The following PLEKHA6 variants were observed in gnomAD, a reference collection of about 807,000 sequenced individuals.
PLEKHA6 encodes the protein pleckstrin homology domain-containing family A member 6.
A neutral mutation model predicts 116.7 loss-of-function variants in PLEKHA6; 60 were observed. That is an observed-to-expected ratio of 0.51 (90% CI 0.42 to 0.64). The LOEUF (loss-of-function observed/expected upper bound fraction) is 0.64, where lower values mean the gene tolerates loss of function less well. Among genes scored for constraint, PLEKHA6 ranks in the 30% least tolerant of loss-of-function variants. PLEKHA6 has a pLI of 0.00. For synonymous variants in PLEKHA6, 489 were observed against 556.1 expected, an observed-to-expected ratio of 0.88 and a Z score of 1.70; for missense variants, 1,338 against 1,422.7, an observed-to-expected ratio of 0.94 and a Z score of 0.96.
intron 1 of PLEKHA6, chr1:204,297,268 T>A: frequency 1.1e-6 from 1 of 901,496 alleles, no homozygotes; most frequent in Non-Finnish European, 1.3e-6. Flanking sequence ...ATGGAGTGTC[T>A]AAATGTAAAT....
chr1:204,251,684 C>A, intron 9 of PLEKHA6: 1 of 670,446 alleles, frequency 1.5e-6, no homozygotes, highest in Non-Finnish European at 2.7e-6. Flanking sequence ...CCCACCTGTG[C>A]TTGTTTCCCA....
intron 1 of PLEKHA6, among the ~76,000 whole-genome samples, chr1:204,314,334 C>T (rs760811627): frequency 6.6e-6 from 1 of 152,202 alleles, no homozygotes; most frequent in Non-Finnish European, 1.5e-5. Context: ...GTTCCACTTC[C>T]CCTGTGAGCC....
intron 1 of PLEKHA6, among the ~76,000 whole-genome samples, chr1:204,285,979 GGAGAAGCT>G (rs1669130632): frequency 6.6e-6 from 1 of 152,176 alleles, no homozygotes; most frequent in Non-Finnish European, 1.5e-5. Flanking sequence ...GTCCAGAGCA[GGAGAAGCT>G]GGCATGGAGG....
In PLEKHA6 at chr1:204,231,274, A is replaced by G. The variant is rs56710346; in HGVS notation, c.2410-688T>C. On this transcript the variant is annotated intron_variant, in intron 17 of 22. Transcript: ENST00000272203. Reference sequence around the variant, plus strand: ...GATGACTGGCAGAAATATGAGCTTTAAAGATGATCTGATGAGGGCTCAGAG... The same window carrying G: ...GATGACTGGCAGAAATATGAGCTTTGAAGATGATCTGATGAGGGCTCAGAG... Among the ~76,000 whole-genome samples the G allele has an allele frequency of 3.1e-3, 475 of 152,312 alleles. 1 individual carries two copies. The highest frequency in any genetic ancestry group is 0.011 in the African/African-American group (460 of 41,556).
chr1:204,250,722 G>A (rs4951331), intron 9 of PLEKHA6, 108 bp from the exon 10 acceptor site: 531,028 of 796,056 alleles, frequency 0.67, 178,543 homozygotes, highest in East Asian at 0.83. Context: ...ACCATGGTCC[G>A]TCACCTCTGG....
chr1:204,340,948 T>C (rs1323286561), intron 1 of PLEKHA6, among the ~76,000 whole-genome samples: 1 of 152,200 alleles, frequency 6.6e-6, no homozygotes, highest in East Asian at 1.9e-4. Flanking sequence ...CCAGAGAAGA[T>C]GGGCAGGAGA....
intron 1 of PLEKHA6, among the ~76,000 whole-genome samples, chr1:204,305,327 T>G (rs920802107): frequency 2.6e-5 from 4 of 152,184 alleles, no homozygotes; most frequent in Non-Finnish European, 5.9e-5. Flanking sequence ...GGGAGGTGCA[T>G]GCAGTACTGC....
intron 1 of PLEKHA6, chr1:204,313,603 G>A (rs984472986): frequency 1.9e-4 from 188 of 984,840 alleles, no homozygotes; most frequent in Non-Finnish European, 1.9e-4. Flanking sequence ...TCTCTTGTTG[G>A]CAGTCTATAT....
At chr1:204,360,941 C>T (rs1047967523), upstream of PLEKHA6, among the ~76,000 whole-genome samples, 2 of 152,172 alleles carry the variant, frequency 1.3e-5, no homozygotes, top group African/African-American at 4.8e-5. Flanking sequence ...CCTCTATCCA[C>T]GGATTCTCTG....
chr1:204,229,741 T>C (rs1330002626), intron 18 of PLEKHA6, among the ~76,000 whole-genome samples: 3 of 152,200 alleles, frequency 2.0e-5, no homozygotes, highest in Non-Finnish European at 2.9e-5. Flanking sequence ...TTTCATATTA[T>C]AGAAGTTCTA....
At chr1:204,288,106 G>A (rs764727273) in intron 1 of PLEKHA6, among the ~76,000 whole-genome samples, 2 of 151,988 alleles carry the variant, frequency 1.3e-5, no homozygotes, top group African/African-American at 4.8e-5. Context: ...CTTACTCACC[G>A]GCTCTTCTTT....
At chr1:204,268,347 A>T in intron 3 of PLEKHA6, 35 bp from the exon 4 acceptor site, 8 of 1,471,956 alleles carry the variant, frequency 5.4e-6, no homozygotes, top group Non-Finnish European at 7.5e-6. Flanking sequence ...CTAGGTCCCC[A>T]GTCTCCTCCT....
intron 1 of PLEKHA6, among the ~76,000 whole-genome samples, chr1:204,279,618 G>A (rs1031930385): frequency 2.6e-5 from 4 of 152,132 alleles, no homozygotes; most frequent in Admixed American, 6.5e-5. Flanking sequence ...AATCTCAAGT[G>A]GTAAAGGAGA....
At chr1:204,294,942 A>G (rs1670127208) in intron 1 of PLEKHA6, among the ~76,000 whole-genome samples, 1 of 152,256 alleles carries the variant, frequency 6.6e-6, no homozygotes, top group Non-Finnish European at 1.5e-5. Flanking sequence ...AATTTTGATT[A>G]TAAAACCCCT....
At chr1:204,324,218 C>T (rs1003325975) in intron 1 of PLEKHA6, among the ~76,000 whole-genome samples, 6 of 152,104 alleles carry the variant, frequency 3.9e-5, no homozygotes, top group Non-Finnish European at 8.8e-5. Flanking sequence ...ATTGCTCTGA[C>T]TTTGATTGCC....
At chr1:204,290,988 CAA>C (rs34983026) in intron 1 of PLEKHA6, among the ~76,000 whole-genome samples, 22 of 113,274 alleles carry the variant, frequency 1.9e-4, no homozygotes, top group African/African-American at 1.5e-4. Context: ...GACCCTGTCT[CAA>C]AAAAAAAAAA....
intron 5 of PLEKHA6, 42 bp from the exon 6 acceptor site, chr1:204,265,084 TGC>T: frequency 7.5e-7 from 1 of 1,334,908 alleles, no homozygotes; most frequent in Non-Finnish European, 1.1e-6. Flanking sequence ...TGTGTGTGTG[TGC>T]AAGCGTGTGC....
intron 17 of PLEKHA6, 103 bp from the exon 18 acceptor site, chr1:204,230,689 AGTGGACT>A: frequency 3.1e-6 from 3 of 970,498 alleles, no homozygotes; most frequent in Non-Finnish European, 4.5e-6. Context: ...GTCTGCCTGT[AGTGGACT>A]GAAGAGTGGT....
intron 1 of PLEKHA6, among the ~76,000 whole-genome samples, chr1:204,334,194 C>T (rs889515241): frequency 6.6e-6 from 1 of 152,170 alleles, no homozygotes; most frequent in Non-Finnish European, 1.5e-5. Flanking sequence ...TGCTTCTGGG[C>T]AAGGGATGAA....
Sources: gnomAD v4.1 joint callset for allele counts (sites outside exome capture counted in the v4.1 genomes callset) on GRCh38, gnomAD v4.1.1 for gene constraint, MANE v1.5 for transcripts, NCBI Gene and HGNC (gene_info 2026-07-23, HGNC 2026-07-21) for gene names.